CYP4A11: variants seen among roughly 807,000 people sequenced by gnomAD.
CYP4A11 encodes the protein cytochrome P450 family 4 subfamily A member 11, also known as cytochrome P450 4A11.
CYP4A11 carries 52 observed loss-of-function variants against 57.7 expected under a neutral mutation model. The ratio of observed to expected loss-of-function variants is 0.90; its 90% confidence interval spans 0.72 to 1.14. The LOEUF (loss-of-function observed/expected upper bound fraction) is 1.14, where lower values mean the gene tolerates loss of function less well. Ranked by LOEUF, CYP4A11 falls within the 50% of genes most tolerant of loss-of-function variation. The pLI is 0.00. For missense variants in CYP4A11, 641 were observed against 642.1 expected, an observed-to-expected ratio of 1.00 and a Z score of 0.02; for synonymous variants, 228 against 247.1, an observed-to-expected ratio of 0.92 and a Z score of 0.72.
intron 11 of CYP4A11, chr1:46,932,272 G>T (rs1681072525): frequency 2.0e-6 from 2 of 1,009,080 alleles, no homozygotes; most frequent in Admixed American, 1.0e-4. Context: ...CAGGTCATCT[G>T]TATTATAAAC....
chr1:46,937,239 G>A (rs372702708), intron 3 of CYP4A11, 63 bp downstream of exon 3: 6 of 1,572,492 alleles, frequency 3.8e-6, no homozygotes, highest in Non-Finnish European at 5.2e-6. Context: ...TGTTCTCTGT[G>A]AGCCAAATAA....
At chr1:46,933,120 C>A (rs922908188) in intron 9 of CYP4A11, 73 bp from the exon 10 acceptor site, 4 of 1,587,486 alleles carry the variant, frequency 2.5e-6, no homozygotes, top group Non-Finnish European at 3.4e-6. Flanking sequence ...AGCCAGCAGG[C>A]ACAAAAGAAG....
chr1:46,940,415 G>A (rs929415426), intron 1 of CYP4A11, among the ~76,000 whole-genome samples: 1 of 152,218 alleles, frequency 6.6e-6, no homozygotes, highest in Non-Finnish European at 1.5e-5. Context: ...ACACACCTGA[G>A]CTGATCATCA....
At chr1:46,935,848 C>A (rs1262562328) in intron 4 of CYP4A11, among the ~76,000 whole-genome samples, 1 of 152,224 alleles carries the variant, frequency 6.6e-6, no homozygotes, top group Non-Finnish European at 1.5e-5. Context: ...ACGCCTAATT[C>A]TCACACACTT....
chr1:46,934,674 T>C, intron 6 of CYP4A11, 115 bp from the exon 7 acceptor site: 1 of 1,091,474 alleles, frequency 9.2e-7, no homozygotes, highest in South Asian at 1.5e-5. Flanking sequence ...TGAATGTGAG[T>C]GTGGGTGCAG....
chr1:46,938,953 G>A (rs776231194), intron 1 of CYP4A11, among the ~76,000 whole-genome samples: 8 of 152,084 alleles, frequency 5.3e-5, no homozygotes, highest in South Asian at 2.1e-4. Flanking sequence ...CTGCTGAATC[G>A]CACACCAGCT....
At chr1:46,940,923 T>G (rs1421193710) in intron 1 of CYP4A11, 1 of 985,232 alleles carries the variant, frequency 1.0e-6, no homozygotes, top group Non-Finnish European at 1.2e-6. Context: ...TGTTCTTTGA[T>G]GAAAGCCAAG....
intron 11 of CYP4A11, among the ~76,000 whole-genome samples, chr1:46,930,687 A>G (rs1425379435): frequency 2.0e-5 from 3 of 152,192 alleles, no homozygotes; most frequent in Admixed American, 1.3e-4. Context: ...TGTGGAGGTC[A>G]GTTCAGGTCC....
intron 1 of CYP4A11, among the ~76,000 whole-genome samples, chr1:46,938,796 C>A (rs1470327353): frequency 6.6e-6 from 1 of 152,244 alleles, no homozygotes; most frequent in African/African-American, 2.4e-5. Context: ...GAGCTCCCTG[C>A]TGCCTGCAGT....
intron 11 of CYP4A11, 193 bp downstream of exon 11, chr1:46,932,568 T>C (rs1681088489): frequency 3.4e-6 from 5 of 1,472,632 alleles, no homozygotes; most frequent in East Asian, 4.8e-5. Context: ...AAAGTCTCCA[T>C]GGGGTGCTCT....
At chr1:46,939,180 AC>A (rs1035726348) in intron 1 of CYP4A11, among the ~76,000 whole-genome samples, 1 of 152,212 alleles carries the variant, frequency 6.6e-6, no homozygotes, top group Non-Finnish European at 1.5e-5. Context: ...GCAACTGTCT[AC>A]CACATAGGTA....
At chr1:46,932,495 C>T in intron 11 of CYP4A11, 1 of 1,347,338 alleles carries the variant, frequency 7.4e-7, no homozygotes, top group Non-Finnish European at 9.6e-7. Context: ...CATGAATATA[C>T]TGAAGTTTGG....
At chr1:46,932,624 C>T in intron 11 of CYP4A11, 137 bp downstream of exon 11, 1 of 1,573,026 alleles carries the variant, frequency 6.4e-7, no homozygotes, top group Non-Finnish European at 8.7e-7. Context: ...CACCAGGTGC[C>T]TGACTTTCCC....
intron 11 of CYP4A11, chr1:46,931,632 G>A: frequency 1.5e-6 from 1 of 679,014 alleles, no homozygotes; most frequent in African/African-American, 1.9e-5. Flanking sequence ...CAGTTCTCTA[G>A]TGGCAGCGAC....
Position 46,932,766 on chromosome 1 carries a change from T to C in CYP4A11, c.1359A>G (p.Gly453=), listed in dbSNP as rs1681102205. Residue 453 remains glycine, a synonymous_variant, in exon 11 of 12, where the codon GGA becomes GGG. Coordinates refer to ENST00000310638, the MANE Select transcript of CYP4A11 (RefSeq NM_000778.4). ...HSHAFLPFSG[G]SRNCIGKQFA... is the part of the protein sequence containing the mutation. Reference sequence around the variant, plus strand: ...TACCACACAGGACGTCTCACCTTGATCCTCCTGAGAAGGGCAGGAAAGCGT... The same window carrying C: ...TACCACACAGGACGTCTCACCTTGACCCTCCTGAGAAGGGCAGGAAAGCGT... 1.9e-6 allele frequency: 3 copies of C among 1,614,094 alleles called. No homozygotes were observed. Among genetic ancestry groups the C allele is most frequent in the Non-Finnish European group, 2.5e-6 (3 of 1,180,016 alleles).
chr1:46,940,954 G>T, intron 1 of CYP4A11: 8 of 985,362 alleles, frequency 8.1e-6, no homozygotes, highest in Non-Finnish European at 9.6e-6. Flanking sequence ...TAATCAGTCT[G>T]GAGACAATCA....
rs762298167 is a variant in CYP4A11, at chr1:46,937,338, A to G, written c.346T>C (p.Ser116Pro). Residue 116 changes from serine to proline, a missense_variant, in exon 3 of 12, where the codon TCC becomes CCC. Ser to Pro is a moderately conservative substitution (Grantham distance 74). Transcript: ENST00000310638. Reference protein sequence around the residue: ...KVILGRSDPKSHGSYRFLAPW... With the variant: ...KVILGRSDPKPHGSYRFLAPW... The stretch of plus-strand genomic sequence containing the variant: ...GCCAGGAATCTGTAGGAACCATGGG[A>G]TTTCGGGTCTGAAAGGCAAGAAAGG... 1 of 1,614,080 alleles carries G rather than the reference A, an allele frequency of 6.2e-7. No homozygotes were observed. Among genetic ancestry groups the G allele is most frequent in the Non-Finnish European group, 8.5e-7 (1 of 1,179,966 alleles).
Position 46,937,771 on chromosome 1 carries a change from AAATAGAAAAAAG to A in CYP4A11, c.337+213_337+224del, listed in dbSNP as rs540882792. The stretch of plus-strand genomic sequence containing the variant: ...GAAAACCTCAATTTTCTTAATAGAG[AAATAGAAAAAAG>A]AATAGAAAATTCAGCCCCACATATT... On this transcript the variant is annotated intron_variant, in intron 2 of 11. Coordinates refer to ENST00000310638, the MANE Select transcript of CYP4A11 (RefSeq NM_000778.4). 1.6e-3 allele frequency among the ~76,000 whole-genome samples: 238 copies of A among 152,318 alleles called. 1 individual carries two copies. The highest frequency in any genetic ancestry group is 5.5e-3 in the African/African-American group (229 of 41,578).
chr1:46,936,212 T>G (rs943822309), intron 4 of CYP4A11, among the ~76,000 whole-genome samples: 5 of 152,212 alleles, frequency 3.3e-5, no homozygotes, highest in African/African-American at 7.2e-5. Flanking sequence ...ATAGACCTGG[T>G]GTTCATTTCC....
Sources: allele counts gnomAD v4.1 joint callset (sites outside exome capture counted in the v4.1 genomes callset), GRCh38; gene constraint gnomAD v4.1.1; transcripts MANE v1.5; gene names NCBI Gene and HGNC (gene_info 2026-07-23, HGNC 2026-07-21).